The following IQCM variants were observed in gnomAD, a reference collection of about 807,000 sequenced individuals.
The protein encoded by IQCM is IQ domain-containing protein M.
Under a neutral mutation model 57.6 loss-of-function variants are expected in IQCM, and 45 were observed. That is an observed-to-expected ratio of 0.78 (90% CI 0.62 to 1.00). The LOEUF (loss-of-function observed/expected upper bound fraction) is 1.00. IQCM is among the 50% of genes least tolerant of loss of function. The pLI is 0.00. For missense variants in IQCM, 468 were observed against 511.6 expected, an observed-to-expected ratio of 0.91 and a Z score of 0.82; for synonymous variants, 148 against 158.9, an observed-to-expected ratio of 0.93 and a Z score of 0.51.
At chr4:149,704,889 A>G (rs1764040808) in intron 5 of IQCM, among the ~76,000 whole-genome samples, 1 of 151,852 alleles carries the variant, frequency 6.6e-6, no homozygotes, top group Non-Finnish European at 1.5e-5. Flanking sequence ...AGGCAGAAGA[A>G]GGGCAAATTC....
chr4:149,475,358 G>A (rs950767522), intron 12 of IQCM, among the ~76,000 whole-genome samples: 1 of 152,134 alleles, frequency 6.6e-6, no homozygotes, highest in Admixed American at 6.5e-5. Context: ...AGATGGGTAA[G>A]AATATAGGTG....
intron 5 of IQCM, among the ~76,000 whole-genome samples, chr4:149,722,778 A>G (rs1765560129): frequency 1.3e-5 from 2 of 151,748 alleles, no homozygotes. Flanking sequence ...TTGAGCTCTT[A>G]TTTGGTTCCA....
intron 12 of IQCM, among the ~76,000 whole-genome samples, chr4:149,540,132 G>A (rs1014008408): frequency 6.6e-6 from 1 of 151,412 alleles, no homozygotes; most frequent in Non-Finnish European, 1.5e-5. Flanking sequence ...AGATACTGAG[G>A]TGAGCATGCC....
At chr4:149,475,635 G>T (rs1231077466) in intron 12 of IQCM, among the ~76,000 whole-genome samples, 1 of 151,996 alleles carries the variant, frequency 6.6e-6, no homozygotes, top group Admixed American at 6.6e-5. Context: ...TAGCACTGAG[G>T]GGGGAAGAAG....
chr4:149,533,465 G>C (rs1355865843), intron 12 of IQCM, among the ~76,000 whole-genome samples: 2 of 151,986 alleles, frequency 1.3e-5, no homozygotes, highest in African/African-American at 2.4e-5. Flanking sequence ...AAATACAAAA[G>C]AAAACTTAAG....
rs1044319440 is a variant in IQCM at position 149,489,377 on chromosome 4, A to C, written c.1229-55820T>G. On this transcript the variant is annotated intron_variant, in intron 12 of 13. Coordinates refer to ENST00000636793, the MANE Select transcript of IQCM (RefSeq NM_001363507.2). ...TAATAATTTGCTTAAAAAGCAACAC[A>C]TTGTGAGCTTGGGAGCTGTTAGGCT... Among the ~76,000 whole-genome samples, 4 of 152,108 alleles carry C rather than the reference A, an allele frequency of 2.6e-5. No homozygotes were observed. The East Asian group carries it at 7.7e-4, about 29-fold the overall frequency.
intron 12 of IQCM, among the ~76,000 whole-genome samples, chr4:149,524,439 T>G (rs1306646505): frequency 6.6e-6 from 1 of 152,080 alleles, no homozygotes; most frequent in East Asian, 1.9e-4. Context: ...AAGTTATGCC[T>G]CATTAAAGAA....
chr4:149,577,690 A>G (rs1299444126), intron 9 of IQCM, among the ~76,000 whole-genome samples: 1 of 151,806 alleles, frequency 6.6e-6, no homozygotes, highest in Non-Finnish European at 1.5e-5. Flanking sequence ...CATTTTGCTT[A>G]GGATTGCTTT....
intron 12 of IQCM, 30 bp downstream of exon 12, chr4:149,548,425 G>A: frequency 1.6e-6 from 2 of 1,229,686 alleles, no homozygotes; most frequent in Non-Finnish European, 2.0e-6. Context: ...AGGAAAAGAA[G>A]GGGGGAAAAA....
At chr4:149,397,289 G>A (rs558745016) in intron 13 of IQCM, among the ~76,000 whole-genome samples, 1 of 151,876 alleles carries the variant, frequency 6.6e-6, no homozygotes, top group Admixed American at 6.6e-5. Context: ...GCATTTCCCT[G>A]ATGATTAGTG....
intron 12 of IQCM, among the ~76,000 whole-genome samples, chr4:149,437,381 C>T (rs1179215350): frequency 6.6e-5 from 10 of 152,024 alleles, no homozygotes; most frequent in Non-Finnish European, 1.3e-4. Context: ...TGTTGAAAAG[C>T]CCTCAGGTCA....
intron 2 of IQCM, among the ~76,000 whole-genome samples, chr4:149,792,447 T>C (rs1772721788): frequency 6.6e-6 from 1 of 152,266 alleles, no homozygotes; most frequent in African/African-American, 2.4e-5. Context: ...TACTATGTGA[T>C]GTTAACTGTA....
intron 7 of IQCM, among the ~76,000 whole-genome samples, chr4:149,636,597 TA>T (rs1561088296): frequency 6.6e-6 from 1 of 152,182 alleles, no homozygotes; most frequent in Non-Finnish European, 1.5e-5. Flanking sequence ...TCTACACTGA[TA>T]GCAGGCAATT....
At chr4:149,742,816 T>A in intron 2 of IQCM, 77 bp from the exon 3 acceptor site, 1 of 611,548 alleles carries the variant, frequency 1.6e-6, no homozygotes, top group Non-Finnish European at 2.4e-6. Flanking sequence ...CACTCATAGG[T>A]AAATAGGGTG....
intron 12 of IQCM, among the ~76,000 whole-genome samples, chr4:149,537,400 T>C (rs1747403841): frequency 6.6e-6 from 1 of 151,814 alleles, no homozygotes; most frequent in Non-Finnish European, 1.5e-5. Flanking sequence ...GAAGGCAGAT[T>C]AATAGCTATT....
chr4:149,578,363 T>C (rs1020576851), intron 9 of IQCM, among the ~76,000 whole-genome samples: 4 of 151,810 alleles, frequency 2.6e-5, no homozygotes, highest in African/African-American at 9.7e-5. Flanking sequence ...GGTAGGATAC[T>C]GAAAAATATT....
At chr4:149,414,602 T>C (rs2111189065) in intron 13 of IQCM, among the ~76,000 whole-genome samples, 1 of 152,246 alleles carries the variant, frequency 6.6e-6, no homozygotes, top group South Asian at 2.1e-4. Flanking sequence ...TTTCATTTTA[T>C]CTTTTCCTCT....
intron 11 of IQCM, among the ~76,000 whole-genome samples, chr4:149,551,923 G>A (rs930230063): frequency 1.3e-5 from 2 of 151,728 alleles, no homozygotes; most frequent in African/African-American, 4.8e-5. Context: ...TCTTCTTCCT[G>A]TCTTCCCATC....
At chr4:149,755,066 G>A (rs1418585449) in intron 2 of IQCM, among the ~76,000 whole-genome samples, 4 of 152,114 alleles carry the variant, frequency 2.6e-5, no homozygotes, top group Non-Finnish European at 5.9e-5. Flanking sequence ...AATCCTGTCA[G>A]CTCTACCTTC....
Sources: gnomAD v4.1 joint callset for allele counts (sites outside exome capture counted in the v4.1 genomes callset) on GRCh38, gnomAD v4.1.1 for gene constraint, MANE v1.5 for transcripts, NCBI Gene and HGNC (gene_info 2026-07-23, HGNC 2026-07-21) for gene names.